The following NAA35 variants were observed in gnomAD, a reference collection of about 807,000 sequenced individuals.
NAA35 encodes N-alpha-acetyltransferase 35, NatC auxiliary subunit.
NAA35 carries 18 observed loss-of-function variants against 101.7 expected under a neutral mutation model. That is an observed-to-expected ratio of 0.18 (90% confidence interval 0.12 to 0.26). The LOEUF (loss-of-function observed/expected upper bound fraction) is 0.26, where lower values mean the gene tolerates loss of function less well. Among genes scored for constraint, NAA35 ranks in the 10% least tolerant of loss-of-function variants. The pLI is 1.00. For missense variants in NAA35, 601 were observed against 886.8 expected, an observed-to-expected ratio of 0.68 and a Z score of 4.09; for synonymous variants, 267 against 273.1, an observed-to-expected ratio of 0.98 and a Z score of 0.22.
intron 11 of NAA35, among the ~76,000 whole-genome samples, chr9:85,990,225 G>T (rs1016239562): frequency 6.6e-6 from 1 of 152,180 alleles, no homozygotes; most frequent in Non-Finnish European, 1.5e-5. Flanking sequence ...GAACTAATCC[G>T]TACCTGTGAG....
At chr9:85,981,013 A>G (rs1273472215) in intron 11 of NAA35, among the ~76,000 whole-genome samples, 2 of 152,040 alleles carry the variant, frequency 1.3e-5, no homozygotes, top group African/African-American at 2.4e-5. Context: ...CCCTTCCCAT[A>G]TATTTTTCTT....
At chr9:86,006,464 A>G (rs1047555913) in intron 13 of NAA35, among the ~76,000 whole-genome samples, 6 of 152,218 alleles carry the variant, frequency 3.9e-5, no homozygotes, top group Non-Finnish European at 7.3e-5. Flanking sequence ...TACTACTCAG[A>G]AATAAAAAGA....
intron 17 of NAA35, among the ~76,000 whole-genome samples, chr9:86,014,883 TA>T (rs1832126370): frequency 6.6e-6 from 1 of 152,226 alleles, no homozygotes; most frequent in Admixed American, 6.5e-5. Flanking sequence ...TTTATATAGC[TA>T]CTTTGGATAC....
chr9:86,007,870 C>G (rs1831717650), intron 14 of NAA35, among the ~76,000 whole-genome samples: 1 of 151,666 alleles, frequency 6.6e-6, no homozygotes, highest in South Asian at 2.1e-4. Flanking sequence ...AAAGCACTTA[C>G]ACTTTGTTAA....
intron 9 of NAA35, among the ~76,000 whole-genome samples, chr9:85,977,004 G>T (rs959068525): frequency 6.6e-6 from 1 of 152,096 alleles, no homozygotes; most frequent in Admixed American, 6.5e-5. Context: ...GAGCGCCACA[G>T]TATCAAAAGT....
chr9:86,011,046 C>G (rs1200877899), intron 15 of NAA35, among the ~76,000 whole-genome samples: 5 of 150,820 alleles, frequency 3.3e-5, no homozygotes, highest in Non-Finnish European at 7.4e-5. Context: ...AGTTCGAGAC[C>G]AGCCTGACCA....
At chr9:86,008,325 G>T (rs1831740376) in intron 14 of NAA35, among the ~76,000 whole-genome samples, 1 of 152,204 alleles carries the variant, frequency 6.6e-6, no homozygotes, top group South Asian at 2.1e-4. Flanking sequence ...GCCTCCCAAA[G>T]TGCTGGGATT....
intron 2 of NAA35, among the ~76,000 whole-genome samples, chr9:85,943,981 T>C (rs1486218371): frequency 6.6e-6 from 1 of 152,184 alleles, no homozygotes; most frequent in African/African-American, 2.4e-5. Context: ...TTTAGTGCCA[T>C]TGATGTTTTT....
intron 15 of NAA35, among the ~76,000 whole-genome samples, chr9:86,010,248 CATA>C (rs544359131): frequency 2.3e-4 from 35 of 150,626 alleles, no homozygotes; most frequent in African/African-American, 4.9e-4. Flanking sequence ...TCTCAATAAC[CATA>C]ATAATAATAA....
At chr9:85,941,724 A>G (rs1188955156) in intron 1 of NAA35, 1 of 986,498 alleles carries the variant, frequency 1.0e-6, no homozygotes, top group Admixed American at 6.1e-5. Flanking sequence ...GGTCCCAGCG[A>G]GCTCTGGCCA....
At chr9:86,020,866 G>A (rs1054168356) in intron 21 of NAA35, 23 bp from the exon 22 acceptor site, 27 of 1,560,302 alleles carry the variant, frequency 1.7e-5, no homozygotes, top group Non-Finnish European at 2.3e-5. Context: ...TAATGTTTCA[G>A]TAGTTTTATG....
chr9:85,971,473 A>G (rs990798876), intron 6 of NAA35, among the ~76,000 whole-genome samples: 1 of 152,072 alleles, frequency 6.6e-6, no homozygotes, highest in African/African-American at 2.4e-5. Context: ...TCCCTCCTCC[A>G]TAACTGTTCC....
chr9:85,954,193 A>C (rs1587562416), intron 2 of NAA35, among the ~76,000 whole-genome samples: 1 of 151,882 alleles, frequency 6.6e-6, no homozygotes, highest in South Asian at 2.1e-4. Context: ...CAATCCTCCC[A>C]CCTCAGCCTC....
chr9:85,952,656 T>A (rs1228464361), intron 2 of NAA35, among the ~76,000 whole-genome samples: 2 of 140,752 alleles, frequency 1.4e-5, no homozygotes, highest in African/African-American at 2.8e-5. Context: ...TGCTTCCCAT[T>A]TTTTTCAAGT....
At chr9:86,010,056 G>C (rs1465650126) in intron 15 of NAA35, 125 bp downstream of exon 15, 2 of 705,300 alleles carry the variant, frequency 2.8e-6, no homozygotes, top group Non-Finnish European at 5.1e-6. Flanking sequence ...TTTGAGACCA[G>C]CCTGGCCAAC....
In NAA35 at chr9:86,013,053, G is replaced by A; in HGVS notation, c.1298G>A (p.Cys433Tyr). The change falls in exon 16 of 23, where the codon TGT becomes TAT. Residue 433 changes from cysteine to tyrosine, a missense_variant. Coordinates refer to ENST00000361671, the MANE Select transcript of NAA35 (RefSeq NM_024635.4). The stretch of plus-strand genomic sequence containing the variant: ...ATTATATGTGTATTGCAGCCATTCT[G>A]TAGTCTTATTCAGATCCATGGACAT... Reference protein sequence around the residue: ...SFVTHCVRPFCSLIQIHGHNR... With the variant: ...SFVTHCVRPFYSLIQIHGHNR... 2 of 1,558,322 alleles carry A rather than the reference G, an allele frequency of 1.3e-6. No individual in the cohort carries two copies. The highest frequency in any genetic ancestry group is 1.7e-6 in the Non-Finnish European group (2 of 1,144,004).
At chr9:86,013,962 T>G (rs1832077366) in intron 17 of NAA35, 65 bp downstream of exon 17, 1 of 1,257,530 alleles carries the variant, frequency 8.0e-7, no homozygotes, top group South Asian at 1.9e-5. Context: ...GAATTCAGAG[T>G]TAATTTCAGG....
At chr9:85,941,961 G>A in intron 1 of NAA35, 194 bp from the exon 2 acceptor site, 7 of 1,251,716 alleles carry the variant, frequency 5.6e-6, no homozygotes, top group Admixed American at 7.2e-5. Flanking sequence ...ATAGTAAGCA[G>A]CAGGAGTGTT....
chr9:85,960,087 A>G (rs1018189169), intron 5 of NAA35, among the ~76,000 whole-genome samples: 18 of 152,344 alleles, frequency 1.2e-4, no homozygotes, highest in South Asian at 4.1e-4. Flanking sequence ...TTTCTTTTCA[A>G]TGAAGATAAT....
Sources: gnomAD v4.1 joint callset for allele counts (sites outside exome capture counted in the v4.1 genomes callset) on GRCh38, gnomAD v4.1.1 for gene constraint, MANE v1.5 for transcripts, NCBI Gene and HGNC (gene_info 2026-07-23, HGNC 2026-07-21) for gene names.